MISP: variants seen among roughly 807,000 people sequenced by gnomAD.
MISP encodes mitotic spindle positioning, also known as mitotic interactor and substrate of PLK1.
MISP carries 51 observed loss-of-function variants against 49.3 expected under a neutral mutation model. The observed-to-expected ratio is 1.03, with a 90% CI of 0.83 to 1.31. The LOEUF is 1.31. MISP is among the 50% of genes most tolerant of loss of function. The pLI is 0.00. For synonymous variants in MISP, 444 were observed against 392.6 expected (o/e 1.13, Z -1.55); for missense variants, 1,084 against 935.1 (o/e 1.16, Z -2.08).
At chr19:762,643 T>A (rs1430045530) in intron 4 of MISP, among the ~76,000 whole-genome samples, 1 of 151,696 alleles carries the variant, frequency 6.6e-6, no homozygotes, top group Non-Finnish European at 1.5e-5. Flanking sequence ...TGGCCCTCCT[T>A]TTTATTTTTA....
upstream of MISP, among the ~76,000 whole-genome samples, chr19:750,085 CT>C (rs1407222435): frequency 2.0e-5 from 3 of 152,032 alleles, no homozygotes; most frequent in East Asian, 5.8e-4. Context: ...CCAGCAAGGC[CT>C]CTGCACCTTG....
Position 757,290 on chromosome 19 carries a change from A to G in MISP, c.344A>G (p.Asp115Gly). The stretch of plus-strand genomic sequence containing the variant: ...CCAACATGGGCACTCCGCCCAGAGG[A>G]CGGGGAGGACAAGGAGATGAAGACC... ...GRPTWALRPE[D>G]GEDKEMKTYR... Residue 115 changes from aspartate to glycine, a missense_variant, in exon 2 of 5, where the codon GAC (aspartate) becomes GGC (glycine). Coordinates refer to ENST00000215582, the MANE Select transcript of MISP (RefSeq NM_173481.4). 1 of 1,614,020 alleles carries G rather than the reference A, an allele frequency of 6.2e-7. No homozygotes were observed. Among genetic ancestry groups the G allele is most frequent in the Non-Finnish European group, 8.5e-7 (1 of 1,179,986 alleles).
At chr19:752,141 G>C (rs1162008828) in intron 1 of MISP, among the ~76,000 whole-genome samples, 1 of 152,174 alleles carries the variant, frequency 6.6e-6, no homozygotes, top group African/African-American at 2.4e-5. Context: ...CTGGGTCCCA[G>C]CTCCCTCTCT....
chr19:760,212 C>G (rs534693105), intron 3 of MISP, among the ~76,000 whole-genome samples, 173 bp downstream of exon 3: 16 of 151,972 alleles, frequency 1.1e-4, no homozygotes, highest in African/African-American at 3.9e-4. Flanking sequence ...AACTTGGTGT[C>G]CTTGTATCTC....
Position 752,904 on chromosome 19 carries a change from C to G in MISP, c.-58+1733C>G, listed in dbSNP as rs149462578. ...TCAGGGCCAGAAGGCACGGTGGAGC[C>G]GGTCTGCATTCCGCAATGAGCCCGA... On this transcript the variant is annotated intron_variant, in intron 1 of 4. Transcript: ENST00000215582. Among the ~76,000 whole-genome samples, 6 of 152,204 alleles carry G rather than the reference C, an allele frequency of 3.9e-5. 1 individual carries two copies. Among genetic ancestry groups the G allele is most frequent in the Admixed American group, 3.9e-4 (6 of 15,284 alleles).
At chr19:751,982 C>T (rs545354872) in intron 1 of MISP, among the ~76,000 whole-genome samples, 78 of 152,292 alleles carry the variant, frequency 5.1e-4, no homozygotes, top group African/African-American at 1.8e-3. Context: ...CAGTTTCATT[C>T]TGGTATCAAC....
intron 1 of MISP, among the ~76,000 whole-genome samples, chr19:755,763 C>T (rs1431333945): frequency 1.3e-5 from 2 of 152,096 alleles, no homozygotes; most frequent in Admixed American, 1.3e-4. Context: ...GAGACCTCGT[C>T]TCTACTAAAA....
At chr19:763,085 C>A (rs907679929) in intron 4 of MISP, among the ~76,000 whole-genome samples, 1 of 152,036 alleles carries the variant, frequency 6.6e-6, no homozygotes, top group African/African-American at 2.4e-5. Flanking sequence ...GTCAGGAGAT[C>A]GAGACCATGG....
chr19:755,286 C>G (rs1482248193), intron 1 of MISP, among the ~76,000 whole-genome samples: 1 of 152,212 alleles, frequency 6.6e-6, no homozygotes, highest in East Asian at 1.9e-4. Flanking sequence ...GTGTCACCCG[C>G]TCGCTCCACG....
At chr19:753,389 C>CT (rs553930795) in intron 1 of MISP, among the ~76,000 whole-genome samples, 1,904 of 137,858 alleles carry the variant, frequency 0.014, 43 homozygotes, top group African/African-American at 0.041. Flanking sequence ...TTCTTTTTTT[C>CT]TTTTTTTTTT....
In MISP at chr19:758,365, C is replaced by T. The variant is rs2033611514; in HGVS notation, c.1419C>T (p.Ser473=). 1.2e-6 allele frequency: 2 copies of T among 1,614,182 alleles called. No individual in the cohort carries two copies. The highest frequency in any genetic ancestry group is 2.2e-5 in the South Asian group (2 of 91,088). The part of the protein sequence containing the change: ...ATMSPRHLSE[S]SGKPLSTKQE... ...TGTCCCCGAGGCATCTCTCAGAATC[C>T]TCTGGAAAACCCCTGAGCACAAAGC... The change falls in exon 2 of 5, where the codon TCC becomes TCT. Residue 473 remains serine, a synonymous_variant. Transcript: ENST00000215582.
At chr19:753,940 C>G (rs2033502541) in intron 1 of MISP, among the ~76,000 whole-genome samples, 1 of 152,320 alleles carries the variant, frequency 6.6e-6, no homozygotes, top group East Asian at 1.9e-4. Flanking sequence ...CTGTGCCCAG[C>G]CGACAGTGCT....
chr19:749,899 G>A (rs996888002), upstream of MISP, among the ~76,000 whole-genome samples: 16 of 152,136 alleles, frequency 1.1e-4, no homozygotes, highest in South Asian at 8.3e-4. Flanking sequence ...CTTTTTACTC[G>A]AAGAAGAGAC....
upstream of MISP, among the ~76,000 whole-genome samples, chr19:749,052 C>T (rs542717641): frequency 1.3e-5 from 2 of 152,228 alleles, no homozygotes; most frequent in East Asian, 3.9e-4. Flanking sequence ...GCAGGAGAAT[C>T]GCTTGAACCT....
In MISP at chr19:758,616, G is replaced by T. The variant is rs751510985; in HGVS notation, c.1670G>T (p.Arg557Leu). Residue 557 changes from arginine to leucine, a missense_variant, in exon 2 of 5, where the codon CGG becomes CTG. Transcript: ENST00000215582. Reference sequence around the variant, plus strand: ...AGGGAGAGGGAGAGTGTCCTGCGCCGGGAGCAAGAGGTGGCAGAGGAGCGG... The same window carrying T: ...AGGGAGAGGGAGAGTGTCCTGCGCCTGGAGCAAGAGGTGGCAGAGGAGCGG... Reference protein sequence around the residue: ...LERERESVLRREQEVAEERRN... With the variant: ...LERERESVLRLEQEVAEERRN... 1.2e-6 allele frequency: 2 copies of T among 1,614,106 alleles called. No individual in the cohort carries two copies. The highest frequency in any genetic ancestry group is 1.3e-5 in the African/African-American group (1 of 74,934).
chr19:760,657 A>C (rs1298374385), intron 3 of MISP, among the ~76,000 whole-genome samples: 3 of 151,606 alleles, frequency 2.0e-5, no homozygotes, highest in Admixed American at 1.3e-4. Context: ...GAGCCACTGC[A>C]CCTGGCCACA....
chr19:749,201 C>T (rs138182921), upstream of MISP, among the ~76,000 whole-genome samples: 436 of 152,304 alleles, frequency 2.9e-3, 1 homozygote, highest in South Asian at 0.012. Context: ...GGGCGTGGGA[C>T]GTCTCCACAG....
Position 763,723 on chromosome 19 carries a change from A to G in MISP, c.*133A>G, listed in dbSNP as rs1269523165. ...AAGAACCACAGCTCATCTGCCAACA[A>G]TCCCACCATGGGCACATTTGGGACT... is the stretch of plus-strand genomic sequence containing the variant. On this transcript the variant is annotated 3_prime_UTR_variant, in exon 5 of 5. Transcript: ENST00000215582. The G allele has an allele frequency of 6.2e-6, 4 of 646,338 alleles. No homozygotes were observed. The highest frequency in any genetic ancestry group is 5.5e-5 in the East Asian group (2 of 36,106). 40.0% of individuals were successfully genotyped at this position (646,338 alleles called of 1,614,324 possible). A position where few individuals can be genotyped will look rare whatever the true frequency, so the allele number is the denominator to read the frequency against.
rs769053768 is a variant in MISP at position 758,149 on chromosome 19, G to C, written c.1203G>C (p.Pro401=). 6.2e-7 allele frequency: 1 copy of C among 1,611,986 alleles called. No homozygotes were observed. The change falls in exon 2 of 5, where the codon CCG becomes CCC. Residue 401 remains proline, a synonymous_variant. Transcript: ENST00000215582. The stretch of plus-strand genomic sequence containing the variant: ...TCAGCTCAGATTCCATCCTCAGCCC[G>C]GCCCCAGATGCCCGTGCGGCCGACC... ...RALSSDSILS[P]APDARAADPA...
Sources: gnomAD v4.1 joint callset for allele counts (sites outside exome capture counted in the v4.1 genomes callset) on GRCh38, gnomAD v4.1.1 for gene constraint, MANE v1.5 for transcripts, NCBI Gene and HGNC (gene_info 2026-07-23, HGNC 2026-07-21) for gene names.